Variants in GPR173 observed in about 807,000 individuals in gnomAD.
GPR173 encodes probable G protein-coupled receptor 173.
Under a neutral mutation model 13.9 loss-of-function variants are expected in GPR173, and 2 were observed. The ratio of observed to expected loss-of-function variants is 0.14; its 90% CI spans 0.06 to 0.45. The LOEUF is 0.45. Ranked by LOEUF, GPR173 falls within the 20% of genes least tolerant of loss-of-function variation. GPR173 has a pLI of 0.98. For synonymous variants in GPR173, 131 were observed against 141.0 expected (o/e 0.93, Z 0.50); for missense variants, 202 against 340.5 (o/e 0.59, Z 3.20).
In GPR173 at chrX:53,049,450, G is replaced by T. The variant is rs1556802429; in HGVS notation, c.-132G>T. ...TGGGTGAGACAGCTTGAGCCCCATC[G>T]TGGATTCCAAGACATCCCTGCTGAG... On this transcript the variant is annotated 5_prime_UTR_variant, in exon 1 of 2. Coordinates refer to ENST00000332582, the MANE Select transcript of GPR173 (RefSeq NM_018969.6). The T allele has an allele frequency of 8.9e-6, 1 of 111,905 alleles. No homozygotes were observed. The highest frequency in any genetic ancestry group is 3.3e-5 in the African/African-American group (1 of 30,708). The allele number at this position is 111,905 out of a possible 1,213,427, so 9.2% of individuals were successfully genotyped here. A position where few individuals can be genotyped will look rare whatever the true frequency, so the allele number is the denominator to read the frequency against.
At chrX:53,075,265 C>A (rs1422154307) in intron 1 of GPR173, among the ~76,000 whole-genome samples, 3 of 107,402 alleles carry the variant, frequency 2.8e-5, no homozygotes, top group Middle Eastern at 4.6e-3. Context: ...CTCTCACCTC[C>A]CTTAGGTCTG....
Position 53,077,251 on chromosome X carries a change from C to T in GPR173, c.630C>T (p.Phe210=), listed in dbSNP as rs1287925633. The T allele has an allele frequency of 4.2e-6, 5 of 1,185,431 alleles. 1 individual carries two copies. In the South Asian group the frequency reaches 5.5e-5, roughly 13 times the overall value. ...THAVYGKLLL[F]EYRHRKMKPV... is the part of the protein sequence containing the mutation. The stretch of plus-strand genomic sequence containing the variant: ...CTGTCTACGGCAAGCTGCTCCTCTT[C>T]GAGTATCGTCACCGCAAGATGAAGC... Residue 210 remains phenylalanine, a synonymous_variant, in exon 2 of 2, where the codon TTC becomes TTT. Transcript: ENST00000332582.
chrX:53,059,791 CAA>C (rs199585364), intron 1 of GPR173, among the ~76,000 whole-genome samples: 51 of 63,984 alleles, frequency 8.0e-4, no homozygotes, highest in African/African-American at 2.3e-3. Context: ...GACCATGTCT[CAA>C]AAAAAAAAAA....
At chrX:53,075,242 C>T (rs1333840329) in intron 1 of GPR173, among the ~76,000 whole-genome samples, 1 of 107,073 alleles carries the variant, frequency 9.3e-6, no homozygotes, top group East Asian at 2.9e-4. Flanking sequence ...CCGAGATATC[C>T]GCATGACTCA....
intron 1 of GPR173, among the ~76,000 whole-genome samples, chrX:53,052,271 C>T (rs1249530621): frequency 1.8e-5 from 2 of 110,668 alleles, no homozygotes; most frequent in Admixed American, 1.9e-4. Context: ...CACACAAAAA[C>T]ACACACACAC....
At chrX:53,050,628 G>C (rs976357389) in intron 1 of GPR173, among the ~76,000 whole-genome samples, 1 of 112,119 alleles carries the variant, frequency 8.9e-6, no homozygotes, top group Non-Finnish European at 1.9e-5. Flanking sequence ...GATGTGCATC[G>C]AGGTGGCACT....
At chrX:53,074,775 T>C (rs1053069294) in intron 1 of GPR173, among the ~76,000 whole-genome samples, 29 of 96,404 alleles carry the variant, frequency 3.0e-4, no homozygotes, top group Non-Finnish European at 5.0e-4. Context: ...AATTTATATA[T>C]AAATTTTTAT....
chrX:53,057,420 A>G (rs1468745179), intron 1 of GPR173, among the ~76,000 whole-genome samples: 1 of 102,708 alleles, frequency 9.7e-6, no homozygotes, highest in East Asian at 3.0e-4. Flanking sequence ...TCCATCTCAA[A>G]AAAAAAAAAA....
At chrX:53,049,808 C>T (rs1602086394) in intron 1 of GPR173, among the ~76,000 whole-genome samples, 1 of 111,645 alleles carries the variant, frequency 9.0e-6, no homozygotes, top group African/African-American at 3.3e-5. Flanking sequence ...GGAAGGGATG[C>T]CTGGGAGCCC....
Position 53,078,514 on chromosome X carries a change from G to A in GPR173, c.*771G>A, listed in dbSNP as rs1569225602. 1 of 122,515 alleles carries A rather than the reference G, an allele frequency of 8.2e-6. No homozygotes were observed. The highest frequency in any genetic ancestry group is 1.9e-5 in the Non-Finnish European group (1 of 53,085). 10.1% of individuals were successfully genotyped at this position (122,515 alleles called of 1,213,427 possible). A position where few individuals can be genotyped will look rare whatever the true frequency, so the allele number is the denominator to read the frequency against. On this transcript the variant is annotated 3_prime_UTR_variant, in exon 2 of 2. Transcript: ENST00000332582. The stretch of plus-strand genomic sequence containing the variant: ...AGGTTAGGTGAAGAGTAAGATGTGA[G>A]CTGAACTCCTCGAACTGAAGAGACC...
chrX:53,050,703 C>T (rs1931945952), intron 1 of GPR173, among the ~76,000 whole-genome samples: 1 of 112,086 alleles, frequency 8.9e-6, no homozygotes, highest in Non-Finnish European at 1.9e-5. Context: ...ATAGTGTTAT[C>T]GATTACTTGG....
Position 53,064,257 on chromosome X carries a change from C to T in GPR173, c.-97-12268C>T, listed in dbSNP as rs184381668. On this transcript the variant is annotated intron_variant, in intron 1 of 1. Coordinates refer to ENST00000332582, the MANE Select transcript of GPR173 (RefSeq NM_018969.6). ...CGCGCTACTATAACAATATTTGAGA[C>T]TGGGTAATTTGTAAAGAACAGAGAT... is the stretch of plus-strand genomic sequence containing the variant. Among the ~76,000 whole-genome samples the T allele has an allele frequency of 8.0e-5, 9 of 111,996 alleles. No individual in the cohort carries two copies. The East Asian group carries it at 2.5e-3, about 31-fold the overall frequency.
chrX:53,052,973 T>C (rs1931983661), intron 1 of GPR173, among the ~76,000 whole-genome samples: 1 of 111,755 alleles, frequency 8.9e-6, no homozygotes, highest in Non-Finnish European at 1.9e-5. Flanking sequence ...TACCTTTGTG[T>C]CCAAGTCCAT....
intron 1 of GPR173, among the ~76,000 whole-genome samples, chrX:53,050,334 G>A (rs782215398): frequency 1.8e-5 from 2 of 111,921 alleles, no homozygotes; most frequent in Non-Finnish European, 3.8e-5. Context: ...CCACCACAAG[G>A]CTCTCTGTCT....
At chrX:53,070,096 G>A (rs181434925) in intron 1 of GPR173, among the ~76,000 whole-genome samples, 4 of 111,546 alleles carry the variant, frequency 3.6e-5, no homozygotes, top group Admixed American at 1.9e-4. Flanking sequence ...TGTTAATATC[G>A]TGACAGTGTT....
At chrX:53,055,693 T>C (rs1186361356) in intron 1 of GPR173, among the ~76,000 whole-genome samples, 2 of 108,242 alleles carry the variant, frequency 1.8e-5, no homozygotes, top group African/African-American at 3.4e-5. Context: ...TGTGTGAGAG[T>C]TGGATATGTC....
In GPR173 at chrX:53,074,291, AAT is replaced by A. The variant is rs1336022604; in HGVS notation, c.-97-2226_-97-2225del. Among the ~76,000 whole-genome samples, 10 of 34,649 alleles carry A rather than the reference AAT, an allele frequency of 2.9e-4. 2 individuals carry two copies. Among genetic ancestry groups the A allele is most frequent in the Non-Finnish European group, 4.9e-4 (10 of 20,380 alleles). 30.1% of individuals were successfully genotyped at this position (34,649 alleles called of 115,157 possible). ...ATATATAAATATACATTTACATATA[AAT>A]ATATATAAATATACATTCATATATA... On this transcript the variant is annotated intron_variant, in intron 1 of 1. Transcript: ENST00000332582.
chrX:53,068,773 T>TAAATAAATAAATAAATAAATAAAC, intron 1 of GPR173, among the ~76,000 whole-genome samples: 1 of 104,559 alleles, frequency 9.6e-6, no homozygotes, highest in African/African-American at 3.5e-5. Context: ...TATAAATAAA[T>TAAATAAATAAATAAATAAATAAAC]AAATAAATAA....
At chrX:53,063,840 C>A (rs782371236) in intron 1 of GPR173, among the ~76,000 whole-genome samples, 1 of 111,420 alleles carries the variant, frequency 9.0e-6, no homozygotes, top group Non-Finnish European at 1.9e-5. Flanking sequence ...TCATTTCCAT[C>A]GGAGACCTCA....
Sources: allele counts gnomAD v4.1 joint callset (sites outside exome capture counted in the v4.1 genomes callset), GRCh38; gene constraint gnomAD v4.1.1; transcripts MANE v1.5; gene names NCBI Gene and HGNC (gene_info 2026-07-23, HGNC 2026-07-21).